GTF2F2: variants seen among roughly 807,000 people sequenced by gnomAD.
GTF2F2 encodes the protein general transcription factor IIF subunit 2, also known as ATP-dependent helicase GTF2F2.
Under a neutral mutation model 42.2 loss-of-function variants are expected in GTF2F2, and 23 were observed. That is an observed-to-expected ratio of 0.55 (90% confidence interval 0.39 to 0.77). The LOEUF (loss-of-function observed/expected upper bound fraction) is 0.77, where lower values mean the gene tolerates loss of function less well. Ranked by LOEUF, GTF2F2 falls within the 30% of genes least tolerant of loss-of-function variation. The pLI is 0.00. For synonymous variants in GTF2F2, 105 were observed against 100.8 expected, an observed-to-expected ratio of 1.04 and a Z score of -0.25; for missense variants, 261 against 287.2, an observed-to-expected ratio of 0.91 and a Z score of 0.66.
chr13:45,143,637 C>T (rs933990658), intron 2 of GTF2F2, among the ~76,000 whole-genome samples: 3 of 152,132 alleles, frequency 2.0e-5, no homozygotes, highest in Admixed American at 1.3e-4. Flanking sequence ...TGCTGTGTGT[C>T]GCAGGCCAGA....
intron 5 of GTF2F2, among the ~76,000 whole-genome samples, chr13:45,240,101 ATTTTTTT>A (rs34744288): frequency 3.4e-4 from 31 of 91,104 alleles, no homozygotes; most frequent in Admixed American, 6.9e-4. Flanking sequence ...ATGTAGAGGG[ATTTTTTT>A]TTTTTTTTTT....
At chr13:45,226,057 G>C (rs548885566) in intron 5 of GTF2F2, among the ~76,000 whole-genome samples, 1 of 144,126 alleles carries the variant, frequency 6.9e-6, no homozygotes, top group African/African-American at 2.8e-5. Flanking sequence ...GATTATATCC[G>C]GAAAAAAAAA....
rs1046224589 is a variant in GTF2F2, at chr13:45,213,502, G to T, written c.386+5997G>T. 2.0e-5 allele frequency among the ~76,000 whole-genome samples: 3 copies of T among 152,096 alleles called. No homozygotes were observed. In the South Asian group the frequency reaches 6.2e-4, roughly 32 times the overall value. On this transcript the variant is annotated intron_variant, in intron 5 of 7. Coordinates refer to ENST00000340473, the MANE Select transcript of GTF2F2 (RefSeq NM_004128.3). ...TATTCCCCACCCCATTTAGGATCTT[G>T]TGTTCCTCTTTTCTGCATTCCCACA...
chr13:45,193,663 T>G, intron 4 of GTF2F2: 2 of 816,666 alleles, frequency 2.4e-6, no homozygotes, highest in Non-Finnish European at 1.9e-6. Flanking sequence ...CTCACAGTAA[T>G]TGATTAGTAG....
chr13:45,275,622 G>A (rs1877000723), intron 7 of GTF2F2, among the ~76,000 whole-genome samples: 2 of 151,960 alleles, frequency 1.3e-5, no homozygotes, highest in Admixed American at 1.3e-4. Flanking sequence ...TCCCTACAAA[G>A]GACATGAACT....
At chr13:45,228,149 C>T (rs1198369851) in intron 5 of GTF2F2, among the ~76,000 whole-genome samples, 1 of 151,380 alleles carries the variant, frequency 6.6e-6, no homozygotes, top group African/African-American at 2.4e-5. Context: ...TGTCCGCTTA[C>T]CATGCTCACA....
intron 4 of GTF2F2, among the ~76,000 whole-genome samples, chr13:45,186,917 G>A (rs1872450152): frequency 1.3e-5 from 2 of 152,046 alleles, no homozygotes; most frequent in Admixed American, 6.6e-5. Flanking sequence ...GAAAAGTTGA[G>A]CCTGTTTTTA....
At position 45,283,616 on chromosome 13, in the gene GTF2F2, G is replaced by A; in HGVS notation, c.*55G>A. On this transcript the variant is annotated 3_prime_UTR_variant, in exon 8 of 8. Coordinates refer to ENST00000340473, the MANE Select transcript of GTF2F2 (RefSeq NM_004128.3). The stretch of plus-strand genomic sequence containing the variant: ...CGACTAGCAGCGATGCTATGCAAAA[G>A]GCGCTGATACTGGAAGGCTTGAACA... 4 of 1,502,032 alleles carry A rather than the reference G, an allele frequency of 2.7e-6. No homozygotes were observed. In the South Asian group the frequency reaches 5.4e-5, roughly 20 times the overall value. The allele number at this position is 1,502,032 out of a possible 1,614,324, so 93.0% of individuals were successfully genotyped here. A position where few individuals can be genotyped will look rare whatever the true frequency, so the allele number is the denominator to read the frequency against.
intron 5 of GTF2F2, among the ~76,000 whole-genome samples, chr13:45,242,635 C>T (rs1875376570): frequency 6.6e-6 from 1 of 152,070 alleles, no homozygotes; most frequent in Non-Finnish European, 1.5e-5. Context: ...ATTAGCAAGG[C>T]AGTATTAGGG....
rs567910048 is a variant in GTF2F2 at position 45,271,077 on chromosome 13, G to GGTCAGGAGAT, written c.630+3702_630+3711dup. Among the ~76,000 whole-genome samples the GGTCAGGAGAT allele has an allele frequency of 2.1e-3, 319 of 152,234 alleles. 1 individual carries two copies. The highest frequency in any genetic ancestry group is 7.2e-3 in the African/African-American group (301 of 41,546). ...GGAGGCTGAGGCGGGCAGATCACGA[G>GGTCAGGAGAT]GTCAGGAGATCGAGACTATCCTGGC... On this transcript the variant is annotated intron_variant, in intron 7 of 7. Coordinates refer to ENST00000340473, the MANE Select transcript of GTF2F2 (RefSeq NM_004128.3).
intron 5 of GTF2F2, among the ~76,000 whole-genome samples, chr13:45,213,779 A>G (rs1873790094): frequency 6.6e-6 from 1 of 152,232 alleles, no homozygotes; most frequent in Admixed American, 6.5e-5. Context: ...TTCTTTATTA[A>G]TAATTTTTTT....
At chr13:45,269,557 A>G (rs935634867) in intron 7 of GTF2F2, among the ~76,000 whole-genome samples, 1 of 152,182 alleles carries the variant, frequency 6.6e-6, no homozygotes, top group East Asian at 1.9e-4. Flanking sequence ...GTGAATCTGT[A>G]CTAATGGTCA....
chr13:45,198,497 C>T (rs944799955), intron 4 of GTF2F2, among the ~76,000 whole-genome samples: 4 of 152,164 alleles, frequency 2.6e-5, no homozygotes, highest in East Asian at 1.9e-4. Flanking sequence ...TTAGAAGCTG[C>T]GTTTGATAAG....
At chr13:45,264,377 C>T (rs1012570785) in intron 6 of GTF2F2, among the ~76,000 whole-genome samples, 5 of 151,864 alleles carry the variant, frequency 3.3e-5, no homozygotes, top group Admixed American at 1.3e-4. Context: ...TGTCTCCTGG[C>T]TTCAAGCGAT....
chr13:45,168,779 GCTTCCTTCCTTC>G (rs368098791), intron 4 of GTF2F2, among the ~76,000 whole-genome samples: 16,085 of 125,496 alleles, frequency 0.13, 1,625 homozygotes, highest in African/African-American at 0.28. Context: ...CACCTGGCTG[GCTTCCTTCCTTC>G]CTTCCTTCCT....
intron 2 of GTF2F2, among the ~76,000 whole-genome samples, chr13:45,144,948 A>G (rs986132853): frequency 1.3e-5 from 2 of 152,296 alleles, no homozygotes; most frequent in East Asian, 3.9e-4. Context: ...ACATGCACAC[A>G]TATTCCTGCT....
intron 4 of GTF2F2, among the ~76,000 whole-genome samples, chr13:45,165,971 G>A (rs1355337817): frequency 2.0e-5 from 3 of 151,420 alleles, no homozygotes; most frequent in Non-Finnish European, 4.4e-5. Flanking sequence ...CCGCCCCTAC[G>A]CCTGGCTAAT....
At chr13:45,254,089 A>G (rs1173720042) in intron 6 of GTF2F2, among the ~76,000 whole-genome samples, 1 of 151,818 alleles carries the variant, frequency 6.6e-6, no homozygotes, top group Non-Finnish European at 1.5e-5. Context: ...AAAAAAAAGA[A>G]AGAAGAAGAG....
intron 7 of GTF2F2, among the ~76,000 whole-genome samples, chr13:45,274,276 C>T (rs1876927021): frequency 1.3e-5 from 2 of 151,032 alleles, no homozygotes; most frequent in Admixed American, 1.3e-4. Flanking sequence ...AAGCAGCCTC[C>T]CTTTTTCCTC....
Sources: allele counts gnomAD v4.1 joint callset (sites outside exome capture counted in the v4.1 genomes callset), GRCh38; gene constraint gnomAD v4.1.1; transcripts MANE v1.5; gene names NCBI Gene and HGNC (gene_info 2026-07-23, HGNC 2026-07-21).